CNTNAP5: variants seen among roughly 807,000 people sequenced by gnomAD.
The protein encoded by CNTNAP5 is contactin-associated protein-like 5.
CNTNAP5 carries 72 observed loss-of-function variants against 150.2 expected under a neutral mutation model. That is an observed-to-expected ratio of 0.48 (90% CI 0.40 to 0.58). The LOEUF (loss-of-function observed/expected upper bound fraction) is 0.58, where lower values mean the gene tolerates loss of function less well. Among genes scored for constraint, CNTNAP5 ranks in the 20% least tolerant of loss-of-function variants. The probability of loss-of-function intolerance (pLI) is 0.00; values close to 1 mark genes in which losing one functional copy is unlikely to be tolerated. For synonymous variants in CNTNAP5, 672 were observed against 619.8 expected, an observed-to-expected ratio of 1.08 and a Z score of -1.25; for missense variants, 1,636 against 1,626.2, an observed-to-expected ratio of 1.01 and a Z score of -0.10.
chr2:124,553,663 G>A (rs1039362635), intron 10 of CNTNAP5, among the ~76,000 whole-genome samples: 2 of 152,306 alleles, frequency 1.3e-5, no homozygotes, highest in Admixed American at 1.3e-4. Context: ...TGAGTAAACA[G>A]ATTTATCAAA....
intron 3 of CNTNAP5, among the ~76,000 whole-genome samples, chr2:124,412,585 A>C (rs1471013489): frequency 6.6e-6 from 1 of 150,982 alleles, no homozygotes; most frequent in Non-Finnish European, 1.5e-5. Flanking sequence ...GCATATCTAC[A>C]ACTATCTGAT....
intron 11 of CNTNAP5, among the ~76,000 whole-genome samples, chr2:124,566,199 T>C (rs529057708): frequency 6.6e-6 from 1 of 152,250 alleles, no homozygotes; most frequent in African/African-American, 2.4e-5. Context: ...CAGAGACAAC[T>C]GAAATGGCCA....
chr2:124,041,789 A>T (rs1197398458), intron 1 of CNTNAP5, among the ~76,000 whole-genome samples: 1 of 152,142 alleles, frequency 6.6e-6, no homozygotes, highest in East Asian at 1.9e-4. Context: ...TCAAAATGTG[A>T]AGATAATCAA....
At chr2:124,817,823 T>C (rs1275588389) in intron 19 of CNTNAP5, among the ~76,000 whole-genome samples, 2 of 152,180 alleles carry the variant, frequency 1.3e-5, no homozygotes, top group East Asian at 3.9e-4. Flanking sequence ...ATAACCAGGG[T>C]GGAGAGCAGG....
chr2:124,806,578 A>C (rs1682085500), intron 19 of CNTNAP5, among the ~76,000 whole-genome samples: 1 of 152,228 alleles, frequency 6.6e-6, no homozygotes, highest in South Asian at 2.1e-4. Context: ...ACGACTCTTC[A>C]GAAATTTTCC....
intron 3 of CNTNAP5, among the ~76,000 whole-genome samples, chr2:124,362,573 A>G (rs1690242924): frequency 3.9e-5 from 6 of 152,200 alleles, no homozygotes; most frequent in Admixed American, 3.9e-4. Context: ...CAGCTTCTCT[A>G]TCATGGATGT....
At chr2:124,441,555 T>C (rs934003634) in intron 5 of CNTNAP5, among the ~76,000 whole-genome samples, 2 of 152,168 alleles carry the variant, frequency 1.3e-5, no homozygotes, top group Non-Finnish European at 2.9e-5. Context: ...TAAATATTAC[T>C]TTTAATTTTA....
intron 5 of CNTNAP5, among the ~76,000 whole-genome samples, chr2:124,438,297 T>A (rs1692585510): frequency 2.0e-5 from 3 of 152,160 alleles, no homozygotes; most frequent in African/African-American, 7.2e-5. Flanking sequence ...ACACATCTCA[T>A]TCAAATTGCC....
In CNTNAP5 at chr2:124,510,348, AACACACAC is replaced by A. The variant is rs3039130; in HGVS notation, c.1327+5826_1327+5833del. On this transcript the variant is annotated intron_variant, in intron 8 of 23. Coordinates refer to ENST00000682447, the MANE Select transcript of CNTNAP5 (RefSeq NM_001367498.1). ...ATCTATATATATATCTCCATATGTCAACACACACACACACACACACACACACACACACA... is the reference window on the plus strand; with the variant it reads ...ATCTATATATATATCTCCATATGTCAACACACACACACACACACACACACA... Among the ~76,000 whole-genome samples the A allele has an allele frequency of 6.4e-4, 44 of 68,282 alleles. 1 individual carries two copies. The highest frequency in any genetic ancestry group is 1.9e-3 in the African/African-American group (30 of 16,138). The allele number at this position is 68,282 out of a possible 152,430, so 44.8% of individuals were successfully genotyped here. A position where few individuals can be genotyped will look rare whatever the true frequency, so the allele number is the denominator to read the frequency against.
At chr2:124,373,693 T>C (rs796371580) in intron 3 of CNTNAP5, among the ~76,000 whole-genome samples, 6 of 152,182 alleles carry the variant, frequency 3.9e-5, no homozygotes, top group African/African-American at 1.2e-4. Flanking sequence ...TTATATTAAA[T>C]GTATTTTCAG....
Position 124,647,827 on chromosome 2 carries a change from A to G in CNTNAP5, c.1946A>G (p.Glu649Gly). ...ELTRVRGANP[E>G]KPYAMALDYG... ...ACCCGAGTGCGGGGCGCTAACCCTG[A>G]GAAGCCCTATGCCATGGCCTTGGAC... Residue 649 changes from glutamate (E) to glycine (G), a missense_variant, in exon 13 of 24, where the codon GAG (glutamate) becomes GGG (glycine). Glu to Gly is a moderately conservative substitution (Grantham distance 98). Coordinates refer to ENST00000682447, the MANE Select transcript of CNTNAP5 (RefSeq NM_001367498.1). 6.2e-7 allele frequency: 1 copy of G among 1,613,612 alleles called. No homozygotes were observed. Among genetic ancestry groups the G allele is most frequent in the Non-Finnish European group, 8.5e-7 (1 of 1,179,748 alleles).
intron 3 of CNTNAP5, among the ~76,000 whole-genome samples, chr2:124,261,808 G>A (rs1303803132): frequency 6.6e-6 from 1 of 152,204 alleles, no homozygotes; most frequent in East Asian, 1.9e-4. Flanking sequence ...AGAAAATGCT[G>A]TATTTGTAGT....
intron 1 of CNTNAP5, among the ~76,000 whole-genome samples, chr2:124,174,785 C>T (rs532141674): frequency 1.7e-4 from 26 of 152,294 alleles, no homozygotes; most frequent in African/African-American, 5.8e-4. Context: ...TATCAAAGAG[C>T]ATCACATGCT....
At chr2:124,905,343 A>G (rs1276169237) in intron 22 of CNTNAP5, among the ~76,000 whole-genome samples, 1 of 152,072 alleles carries the variant, frequency 6.6e-6, no homozygotes, top group Non-Finnish European at 1.5e-5. Flanking sequence ...TGGGAATGCA[A>G]ATTGGTACAG....
chr2:124,412,874 A>G (rs909787620), intron 3 of CNTNAP5, among the ~76,000 whole-genome samples: 2 of 104,928 alleles, frequency 1.9e-5, no homozygotes, highest in African/African-American at 7.8e-5. Flanking sequence ...GCCAAAATTG[A>G]CAAATGGGAT....
intron 5 of CNTNAP5, among the ~76,000 whole-genome samples, chr2:124,440,158 A>C (rs543111967): frequency 6.6e-6 from 1 of 152,126 alleles, no homozygotes; most frequent in Admixed American, 6.6e-5. Flanking sequence ...TTATAACAAC[A>C]TATGTGAAGT....
At chr2:124,193,999 C>G (rs1005503494) in intron 1 of CNTNAP5, among the ~76,000 whole-genome samples, 1 of 152,068 alleles carries the variant, frequency 6.6e-6, no homozygotes, top group African/African-American at 2.4e-5. Context: ...TCATAAGTGA[C>G]CTAATCAACC....
At chr2:124,832,136 G>A (rs1682728931) in intron 19 of CNTNAP5, among the ~76,000 whole-genome samples, 1 of 152,018 alleles carries the variant, frequency 6.6e-6, no homozygotes, top group South Asian at 2.1e-4. Flanking sequence ...GGCAAATATA[G>A]AACTGTCTCT....
Position 124,919,131 on chromosome 2 carries a change from A to G in CNTNAP5, c.*4843A>G, listed in dbSNP as rs1678824685. 6.6e-6 allele frequency among the ~76,000 whole-genome samples: 1 copy of G among 151,928 alleles called. No individual in the cohort carries two copies. The highest frequency in any genetic ancestry group is 1.5e-5 in the Non-Finnish European group (1 of 67,974). ...AAAGGGGAAAAAATGCAACACACACACGCACGCTCACATGCACACTTTGTA... is the reference window on the plus strand; with the variant it reads ...AAAGGGGAAAAAATGCAACACACACGCGCACGCTCACATGCACACTTTGTA... On this transcript the variant is annotated 3_prime_UTR_variant, in exon 24 of 24. Transcript: ENST00000682447.
Sources: gnomAD v4.1 joint callset for allele counts (sites outside exome capture counted in the v4.1 genomes callset) on GRCh38, gnomAD v4.1.1 for gene constraint, MANE v1.5 for transcripts, NCBI Gene and HGNC (gene_info 2026-07-23, HGNC 2026-07-21) for gene names.